Variants in DLG4 observed in about 807,000 individuals in gnomAD.
DLG4 encodes disks large homolog 4.
DLG4 carries 7 observed loss-of-function variants against 93.8 expected under a neutral mutation model. The ratio of observed to expected loss-of-function variants is 0.07; its 90% confidence interval spans 0.04 to 0.14. The LOEUF (loss-of-function observed/expected upper bound fraction) is 0.14. Ranked by LOEUF, DLG4 falls within the 10% of genes least tolerant of loss-of-function variation. DLG4 has a pLI of 1.00. For synonymous variants in DLG4, 341 were observed against 387.6 expected, an observed-to-expected ratio of 0.88 and a Z score of 1.41; for missense variants, 545 against 992.9, an observed-to-expected ratio of 0.55 and a Z score of 6.06.
chr17:7,193,473 C>A lies in DLG4; in HGVS notation c.1693+10G>T, dbSNP rs2069608562. ...CCACCTTCTCCTCCATCCAAGGCCC[C>A]AGCACTCACGGGGAACACAGGATCC... On this transcript the variant is annotated intron_variant, in intron 16 of 19. Coordinates refer to ENST00000399506, the MANE Select transcript of DLG4 (RefSeq NM_001321075.3). This position sits in a 1 kb window ranked among gnomAD's most constrained non-coding sequence, Gnocchi z 6.7. 1.3e-6 allele frequency: 2 copies of A among 1,528,034 alleles called. No homozygotes were observed. Among genetic ancestry groups the A allele is most frequent in the African/African-American group, 2.8e-5 (2 of 71,804 alleles). 94.7% of individuals were successfully genotyped at this position (1,528,034 alleles called of 1,614,324 possible).
chr17:7,207,818 G>A (rs1020279869), intron 2 of DLG4, among the ~76,000 whole-genome samples: 6 of 151,842 alleles, frequency 4.0e-5, no homozygotes, highest in Admixed American at 6.6e-5. Flanking sequence ...AGGCACGCGC[G>A]CACACACACA....
At chr17:7,202,533 T>G (rs2070198732) in intron 8 of DLG4, among the ~76,000 whole-genome samples, 1 of 152,234 alleles carries the variant, frequency 6.6e-6, no homozygotes, top group Admixed American at 6.5e-5. Flanking sequence ...AACGGGTCTA[T>G]ACTCTCCTTA....
chr17:7,219,045 A>G (rs890983134), upstream of DLG4: 12 of 642,532 alleles, frequency 1.9e-5, no homozygotes, highest in Admixed American at 1.3e-4. Flanking sequence ...ATAGGCAGGC[A>G]GAACCTAGCC....
At chr17:7,218,574 C>G, upstream of DLG4, 2 of 1,565,856 alleles carry the variant, frequency 1.3e-6, no homozygotes, top group Non-Finnish European at 1.7e-6. Flanking sequence ...CTATGCAGCA[C>G]TGTGAGGAGT....
upstream of DLG4, chr17:7,218,129 G>T: frequency 9.9e-7 from 1 of 1,006,368 alleles, no homozygotes; most frequent in Non-Finnish European, 1.5e-6. Flanking sequence ...CACTGACTCA[G>T]GCTTTTGTCA....
In DLG4 at chr17:7,191,234, T is replaced by G. The variant is rs1360280107; in HGVS notation, c.2068+33A>C. On this transcript the variant is annotated intron_variant, in intron 19 of 19. Transcript: ENST00000399506. This position sits in a 1 kb window ranked among gnomAD's most constrained non-coding sequence, Gnocchi z 6.6. ...CTTTCTAATCCGAGCAAGGGCACCCTACATGCTGGCAACAGCCTTGCTGTG... is the reference window on the plus strand; with the variant it reads ...CTTTCTAATCCGAGCAAGGGCACCCGACATGCTGGCAACAGCCTTGCTGTG... 2.5e-6 allele frequency: 4 copies of G among 1,607,244 alleles called. No homozygotes were observed. The South Asian group carries it at 4.4e-5, about 18-fold the overall frequency.
rs2070335609 is a variant in DLG4, at chr17:7,204,261, G to A, written c.97-9C>T. 2 of 1,577,502 alleles carry A rather than the reference G, an allele frequency of 1.3e-6. No individual in the cohort carries two copies. The highest frequency in any genetic ancestry group is 1.7e-6 in the Non-Finnish European group (2 of 1,160,574). On this transcript the variant is annotated splice_polypyrimidine_tract_variant and intron_variant, in intron 2 of 19. Transcript: ENST00000399506. ...ACTGGGGGAGAATTGGCCTGTTTGG[G>A]AAAACAAGAGACAAAAAGCAGCCTG...
In DLG4 at chr17:7,217,105, C is replaced by A; in HGVS notation, c.30+13G>T. 1 of 1,288,224 alleles carries A rather than the reference C, an allele frequency of 7.8e-7. No homozygotes were observed. Among genetic ancestry groups the A allele is most frequent in the Non-Finnish European group, 9.8e-7 (1 of 1,015,952 alleles). The allele number at this position is 1,288,224 out of a possible 1,614,324, so 79.8% of individuals were successfully genotyped here. On this transcript the variant is annotated intron_variant, in intron 1 of 19. Transcript: ENST00000399506. Reference sequence around the variant, plus strand: ...ACCCTCCCCCCAGTTTATAGCCCCCCCATCATGCTTACCTTGGTTGTCACT... The same window carrying A: ...ACCCTCCCCCCAGTTTATAGCCCCCACATCATGCTTACCTTGGTTGTCACT...
chr17:7,213,980 C>CCA (rs1312616357), intron 1 of DLG4: 1 of 406,874 alleles, frequency 2.5e-6, no homozygotes, highest in African/African-American at 2.1e-5. Context: ...CCCTGCTTAT[C>CCA]CACCAGTGGG....
At chr17:7,216,476 A>G (rs2070922002) in intron 1 of DLG4, among the ~76,000 whole-genome samples, 1 of 152,092 alleles carries the variant, frequency 6.6e-6, no homozygotes, top group South Asian at 2.1e-4. Flanking sequence ...CCCTCAGGTG[A>G]TCCCATGCCA....
At chr17:7,204,288 G>C in intron 2 of DLG4, 36 bp from the exon 3 acceptor site, 1 of 1,547,178 alleles carries the variant, frequency 6.5e-7, no homozygotes, top group Non-Finnish European at 8.7e-7. Context: ...AGCAGCCTGA[G>C]CCTTGACTCG....
chr17:7,214,706 C>T (rs1484974092), intron 1 of DLG4, among the ~76,000 whole-genome samples: 1 of 152,202 alleles, frequency 6.6e-6, no homozygotes. Flanking sequence ...CAGCTTCAGT[C>T]GTCGCCGGTT....
At chr17:7,209,368 C>T (rs919306135) in intron 1 of DLG4, among the ~76,000 whole-genome samples, 1 of 152,180 alleles carries the variant, frequency 6.6e-6, no homozygotes, top group Non-Finnish European at 1.5e-5. Context: ...TGCTCCTCTC[C>T]TCTGGAACGG....
intron 8 of DLG4, among the ~76,000 whole-genome samples, chr17:7,200,716 T>C (rs1330452939): frequency 6.6e-6 from 1 of 151,816 alleles, no homozygotes; most frequent in Non-Finnish European, 1.5e-5. Context: ...CCGGCTAATT[T>C]TGTATTTTTA....
In DLG4 at chr17:7,190,621, G is replaced by A; in HGVS notation, c.*87C>T. On this transcript the variant is annotated 3_prime_UTR_variant, in exon 20 of 20. Transcript: ENST00000399506. ...TAAGAAGGGGTGGGAGGGAGGCCGG[G>A]GGGAGCCAAGGGCTTGGGCAATTCA... is the stretch of plus-strand genomic sequence containing the variant. 2 of 1,051,136 alleles carry A rather than the reference G, an allele frequency of 1.9e-6. No individual in the cohort carries two copies. Among genetic ancestry groups the A allele is most frequent in the Non-Finnish European group, 3.0e-6 (2 of 672,596 alleles). The allele number at this position is 1,051,136 out of a possible 1,614,324, so 65.1% of individuals were successfully genotyped here.
chr17:7,196,372 A>G lies in DLG4; in HGVS notation c.1187-38T>C, dbSNP rs1431922778. The G allele has an allele frequency of 6.2e-7, 1 of 1,610,730 alleles. No homozygotes were observed. The highest frequency in any genetic ancestry group is 2.2e-5 in the East Asian group (1 of 44,864). On this transcript the variant is annotated intron_variant, in intron 10 of 19. Transcript: ENST00000399506. This position sits in a 1 kb window ranked among gnomAD's most constrained non-coding sequence, Gnocchi z 8.3. ...AGGGAGGTTTCTGAGCTCTGTCCCC[A>G]TCCTACTGTCACCCCTGTCCTCCCC...
rs1815049798 is a variant in DLG4 at position 7,190,336 on chromosome 17, G to T, written c.*372C>A. 5 of 284,290 alleles carry T rather than the reference G, an allele frequency of 1.8e-5. No individual in the cohort carries two copies. In the South Asian group the frequency reaches 2.4e-4, roughly 14 times the overall value. The allele number at this position is 284,290 out of a possible 1,614,324, so 17.6% of individuals were successfully genotyped here. A position where few individuals can be genotyped will look rare whatever the true frequency, so the allele number is the denominator to read the frequency against. ...CTGTGGCCCTGCATCCCTGCAGCGG[G>T]TGCTCCTCGAGGGGGCCCTGACTTC... is the stretch of plus-strand genomic sequence containing the variant. On this transcript the variant is annotated 3_prime_UTR_variant, in exon 20 of 20. Coordinates refer to ENST00000399506, the MANE Select transcript of DLG4 (RefSeq NM_001321075.3).
In DLG4 at chr17:7,191,872, G is replaced by T; in HGVS notation, c.1976+21C>A. 7.0e-7 allele frequency: 1 copy of T among 1,422,070 alleles called. No homozygotes were observed. Among genetic ancestry groups the T allele is most frequent in the Non-Finnish European group, 9.3e-7 (1 of 1,076,706 alleles). The allele number at this position is 1,422,070 out of a possible 1,614,324, so 88.1% of individuals were successfully genotyped here. On this transcript the variant is annotated intron_variant, in intron 18 of 19. Coordinates refer to ENST00000399506, the MANE Select transcript of DLG4 (RefSeq NM_001321075.3). The surrounding 1 kb of genome is among the most constrained non-coding windows in gnomAD (Gnocchi z 6.6). ...ACAGGTGTTGGGGGAGCAAAGGGGA[G>T]GCCCCCAGGACCATACTCACAGCAC...
upstream of DLG4, chr17:7,217,888 C>A (rs1330844254): frequency 7.0e-6 from 10 of 1,433,820 alleles, no homozygotes; most frequent in South Asian, 1.2e-4. Context: ...TATTTGAATA[C>A]GGGAGGGAGG....
Sources: allele counts gnomAD v4.1 joint callset (sites outside exome capture counted in the v4.1 genomes callset), GRCh38; gene constraint gnomAD v4.1.1; non-coding constraint Gnocchi (gnomAD v3.1); transcripts MANE v1.5; gene names NCBI Gene and HGNC (gene_info 2026-07-23, HGNC 2026-07-21).